SRP9: variants seen among roughly 807,000 people sequenced by gnomAD.
SRP9 encodes the protein signal recognition particle 9, also known as signal recognition particle 9 kDa protein.
A neutral mutation model predicts 11.7 loss-of-function variants in SRP9; 2 were observed. That is an observed-to-expected ratio of 0.17 (90% CI 0.07 to 0.54). SRP9 has a LOEUF of 0.54. SRP9 is among the 20% of genes least tolerant of loss of function. SRP9 has a pLI of 0.94. For synonymous variants in SRP9, 27 were observed against 35.6 expected, an observed-to-expected ratio of 0.76 and a Z score of 0.86; for missense variants, 54 against 108.1, an observed-to-expected ratio of 0.50 and a Z score of 2.22.
rs750770423 is a variant in SRP9 at position 225,788,926 on chromosome 1, A to T, written c.142-314A>T. On this transcript the variant is annotated intron_variant, in intron 2 of 2. Transcript: ENST00000304786. ...TCTAATACCTAATTCGAAGGAAGAA[A>T]ATATCTAATTCTAAGTCTTGAGTTC... is the stretch of plus-strand genomic sequence containing the variant. The T allele has an allele frequency of 5.0e-6, 7 of 1,394,104 alleles. No individual in the cohort carries two copies. The South Asian group carries it at 8.8e-5, about 18-fold the overall frequency. The allele number at this position is 1,394,104 out of a possible 1,614,324, so 86.4% of individuals were successfully genotyped here.
intron 2 of SRP9, among the ~76,000 whole-genome samples, chr1:225,786,414 AAT>A (rs928296091): frequency 2.5e-4 from 38 of 152,326 alleles, no homozygotes; most frequent in African/African-American, 8.7e-4. Context: ...ACATTTTTTA[AAT>A]AGTTAGTTCT....
intron 2 of SRP9, among the ~76,000 whole-genome samples, chr1:225,787,871 AT>A (rs1301595862): frequency 6.6e-6 from 1 of 152,176 alleles, no homozygotes; most frequent in African/African-American, 2.4e-5. Flanking sequence ...GTGGATAAAA[AT>A]TTTTTTAAGT....
At chr1:225,780,660 G>A (rs1665777061) in intron 1 of SRP9, among the ~76,000 whole-genome samples, 1 of 152,132 alleles carries the variant, frequency 6.6e-6, no homozygotes, top group African/African-American at 2.4e-5. Flanking sequence ...TTTGGACCCA[G>A]ATCTTTGAAC....
intron 2 of SRP9, among the ~76,000 whole-genome samples, chr1:225,787,336 C>T (rs1324193266): frequency 6.6e-6 from 1 of 152,144 alleles, no homozygotes; most frequent in African/African-American, 2.4e-5. Flanking sequence ...AGTTCGAGAC[C>T]AGCCTGACCA....
intron 2 of SRP9, among the ~76,000 whole-genome samples, chr1:225,788,412 A>G (rs1665958671): frequency 7.0e-6 from 1 of 143,468 alleles, no homozygotes; most frequent in South Asian, 2.3e-4. Context: ...CAGCAAATCA[A>G]GATTTTTTTT....
intron 1 of SRP9, among the ~76,000 whole-genome samples, chr1:225,779,947 G>A (rs1294411127): frequency 1.3e-5 from 2 of 152,222 alleles, no homozygotes; most frequent in African/African-American, 2.4e-5. Flanking sequence ...TGTGATGGCA[G>A]TGGTAGGGAA....
chr1:225,786,895 T>A, intron 2 of SRP9: 1 of 1,077,314 alleles, frequency 9.3e-7, no homozygotes, highest in Non-Finnish European at 1.2e-6. Flanking sequence ...CAGGCTGCAG[T>A]GCAGTGGCAT....
chr1:225,788,274 A>AG (rs1208786230), intron 2 of SRP9, among the ~76,000 whole-genome samples: 5 of 152,148 alleles, frequency 3.3e-5, no homozygotes, highest in Non-Finnish European at 7.4e-5. Flanking sequence ...GTGTGCCTGT[A>AG]GTCCCAGCTA....
intron 1 of SRP9, among the ~76,000 whole-genome samples, chr1:225,780,314 G>A (rs762118430): frequency 5.9e-5 from 9 of 151,666 alleles, no homozygotes; most frequent in African/African-American, 1.7e-4. Context: ...AAGCCATGGC[G>A]CCTGGCTTGA....
At chr1:225,786,047 C>T (rs1462158524) in intron 2 of SRP9, among the ~76,000 whole-genome samples, 1 of 152,204 alleles carries the variant, frequency 6.6e-6, no homozygotes, top group Non-Finnish European at 1.5e-5. Flanking sequence ...CCTTTAAACT[C>T]CACCCTTGCA....
At chr1:225,780,204 TA>T (rs997350488) in intron 1 of SRP9, among the ~76,000 whole-genome samples, 1 of 110,304 alleles carries the variant, frequency 9.1e-6, no homozygotes, top group Non-Finnish European at 1.8e-5. Context: ...TTTTTTTTTT[TA>T]AAGACGGGGC....
chr1:225,785,237 A>AT (rs34100490), intron 2 of SRP9, among the ~76,000 whole-genome samples: 12,348 of 129,644 alleles, frequency 0.095, 683 homozygotes, highest in East Asian at 0.2. Flanking sequence ...CGCCCAACTA[A>AT]TTTTTTTTTT....
chr1:225,785,540 C>A (rs959661540), intron 2 of SRP9, among the ~76,000 whole-genome samples: 1 of 152,108 alleles, frequency 6.6e-6, no homozygotes, highest in African/African-American at 2.4e-5. Flanking sequence ...GCCACCACGC[C>A]TGGCTAATTT....
intron 1 of SRP9, among the ~76,000 whole-genome samples, chr1:225,783,054 C>G (rs1317232119): frequency 6.7e-6 from 1 of 149,304 alleles, no homozygotes; most frequent in Non-Finnish European, 1.5e-5. Flanking sequence ...TTCAGTACAT[C>G]TCTTCAAACT....
chr1:225,783,876 T>A (rs910866153), intron 2 of SRP9, among the ~76,000 whole-genome samples: 1 of 152,228 alleles, frequency 6.6e-6, no homozygotes. Flanking sequence ...TTATTTGACC[T>A]CCTTGCTGCT....
intron 1 of SRP9, among the ~76,000 whole-genome samples, 185 bp downstream of exon 1, chr1:225,778,197 C>G (rs1024958487): frequency 1.3e-5 from 2 of 152,258 alleles, no homozygotes; most frequent in African/African-American, 4.8e-5. Context: ...CAGTGAGGCC[C>G]TGAAGCTGGC....
intron 1 of SRP9, among the ~76,000 whole-genome samples, chr1:225,780,803 A>T (rs1665779500): frequency 6.6e-6 from 1 of 151,768 alleles, no homozygotes; most frequent in Non-Finnish European, 1.5e-5. Flanking sequence ...TCTTTTTACC[A>T]CTCTGTCTTG....
intron 2 of SRP9, chr1:225,786,937 G>GACC (rs1665928969): frequency 1.5e-6 from 1 of 669,552 alleles, no homozygotes; most frequent in Admixed American, 2.6e-5. Flanking sequence ...CGACCTCCTG[G>GACC]GCTCAAGCGG....
chr1:225,785,134 G>A (rs1011020925), intron 2 of SRP9, among the ~76,000 whole-genome samples: 4 of 150,888 alleles, frequency 2.7e-5, no homozygotes, highest in African/African-American at 7.3e-5. Flanking sequence ...TGCAGTGGGC[G>A]ATCTCTGCTC....
Sources: allele counts gnomAD v4.1 joint callset (sites outside exome capture counted in the v4.1 genomes callset), GRCh38; gene constraint gnomAD v4.1.1; transcripts MANE v1.5; gene names NCBI Gene and HGNC (gene_info 2026-07-23, HGNC 2026-07-21).